Variants in RGS6 observed in about 807,000 individuals in gnomAD.
RGS6 encodes the protein regulator of G-protein signaling 6.
In RGS6, 30 loss-of-function variants were observed where a neutral mutation model predicts 78.5. The observed-to-expected ratio is 0.38, with a 90% CI of 0.29 to 0.52. The LOEUF is 0.52. Ranked by LOEUF, RGS6 falls within the 20% of genes least tolerant of loss-of-function variation. The pLI, the probability that RGS6 is intolerant of heterozygous loss-of-function variation, is 0.85. For synonymous variants in RGS6, 206 were observed against 206.0 expected (o/e 1.00, Z 0.00); for missense variants, 495 against 609.7 (o/e 0.81, Z 1.98).
chr14:72,357,325 G>A (rs1395816840), intron 3 of RGS6, among the ~76,000 whole-genome samples: 1 of 152,050 alleles, frequency 6.6e-6, no homozygotes, highest in Non-Finnish European at 1.5e-5. Flanking sequence ...GGCAGAGGAA[G>A]GAACAGTTTG....
At chr14:71,949,438 A>AT (rs749939711) in intron 1 of RGS6, among the ~76,000 whole-genome samples, 51 of 150,384 alleles carry the variant, frequency 3.4e-4, no homozygotes, top group East Asian at 7.8e-4. Context: ...TGCCTTTTTA[A>AT]TTTTTTTTTG....
rs144456247 is a variant in RGS6 at position 72,469,920 on chromosome 14, T to C, written c.460-87T>C. The C allele has an allele frequency of 1.3e-4, 129 of 963,500 alleles. 1 individual carries two copies. The African/African-American group carries it at 1.9e-3, about 14-fold the overall frequency. The allele number at this position is 963,500 out of a possible 1,614,324, so 59.7% of individuals were successfully genotyped here. On this transcript the variant is annotated intron_variant, in intron 7 of 17. Coordinates refer to ENST00000553525, the MANE Select transcript of RGS6 (RefSeq NM_001204424.2). ...GCTATTTTGTTGGAAGTAACCAAAA[T>C]TGATGGATGCCTTATAATAAGCATA... is the stretch of plus-strand genomic sequence containing the variant.
At chr14:72,521,532 T>C (rs2097041110) in intron 15 of RGS6, among the ~76,000 whole-genome samples, 1 of 152,234 alleles carries the variant, frequency 6.6e-6, no homozygotes, top group Non-Finnish European at 1.5e-5. Context: ...AAATACATTC[T>C]ATCTAATTTC....
At chr14:72,134,745 G>T (rs911314951) in intron 2 of RGS6, among the ~76,000 whole-genome samples, 5 of 152,202 alleles carry the variant, frequency 3.3e-5, no homozygotes, top group African/African-American at 1.2e-4. Context: ...GAGAACCAGG[G>T]GAGTTGATGG....
At chr14:72,387,820 G>A (rs1340933975) in intron 3 of RGS6, among the ~76,000 whole-genome samples, 1 of 152,092 alleles carries the variant, frequency 6.6e-6, no homozygotes, top group Non-Finnish European at 1.5e-5. Context: ...TCACAGTTCT[G>A]GAGGCTCAGA....
the RGS6 span, among the ~76,000 whole-genome samples, chr14:72,603,415 G>A: frequency 6.6e-6 from 1 of 152,226 alleles, no homozygotes; most frequent in East Asian, 1.9e-4. Flanking sequence ...CCAGGGCCAT[G>A]CCCCAGAGGG....
At chr14:71,979,252 T>C (rs1469816665) in intron 2 of RGS6, among the ~76,000 whole-genome samples, 4 of 149,820 alleles carry the variant, frequency 2.7e-5, no homozygotes, top group African/African-American at 9.8e-5. Context: ...GTTTTTTGTG[T>C]CTCTATTTCC....
the RGS6 span, among the ~76,000 whole-genome samples, chr14:71,888,505 T>A: frequency 6.6e-6 from 1 of 152,018 alleles, no homozygotes; most frequent in South Asian, 2.1e-4. Flanking sequence ...TGATTGAGGC[T>A]CATCCCACAG....
chr14:72,567,874 T>C (rs1325833208), downstream of RGS6, among the ~76,000 whole-genome samples: 1 of 152,234 alleles, frequency 6.6e-6, no homozygotes, highest in African/African-American at 2.4e-5. Flanking sequence ...GTCGTGGGAC[T>C]TCCGACACCT....
intron 2 of RGS6, among the ~76,000 whole-genome samples, chr14:72,049,939 C>CAT (rs1178090631): frequency 6.6e-6 from 1 of 152,028 alleles, no homozygotes; most frequent in Admixed American, 6.6e-5. Context: ...TAAATATATA[C>CAT]ATATATATAG....
intron 2 of RGS6, among the ~76,000 whole-genome samples, chr14:72,058,987 T>G (rs1269407063): frequency 6.6e-6 from 1 of 152,176 alleles, no homozygotes; most frequent in Non-Finnish European, 1.5e-5. Context: ...CACTGCAACC[T>G]CTACCTCCTG....
chr14:72,622,609 TA>T, the RGS6 span, among the ~76,000 whole-genome samples: 1 of 152,044 alleles, frequency 6.6e-6, no homozygotes, highest in South Asian at 2.1e-4. Flanking sequence ...TCTGAGAGTT[TA>T]AGTGCATTTT....
intron 3 of RGS6, among the ~76,000 whole-genome samples, chr14:72,400,625 G>C (rs6574072): frequency 0.3 from 45,333 of 152,164 alleles, 12,067 homozygotes; most frequent in African/African-American, 0.7. Context: ...ATTCTGTTCA[G>C]TAACCATAAG....
At chr14:72,028,093 G>T (rs1456952346) in intron 2 of RGS6, among the ~76,000 whole-genome samples, 4 of 152,248 alleles carry the variant, frequency 2.6e-5, no homozygotes, top group Non-Finnish European at 5.9e-5. Flanking sequence ...GCAGTTTTGT[G>T]TGGGCAGGTA....
Position 72,128,692 on chromosome 14 carries a change from GT to G in RGS6, c.84+163820del, listed in dbSNP as rs375580562. Among the ~76,000 whole-genome samples, 96 of 152,306 alleles carry G rather than the reference GT, an allele frequency of 6.3e-4. 1 individual carries two copies. The highest frequency in any genetic ancestry group is 2.3e-3 in the African/African-American group (94 of 41,572). ...AGCCAGCACAGTCATAGTGGATGAA[GT>G]TTATAGGTTATTGACGGACGGTAGG... On this transcript the variant is annotated intron_variant, in intron 2 of 17. Coordinates refer to ENST00000553525, the MANE Select transcript of RGS6 (RefSeq NM_001204424.2).
At chr14:72,369,485 A>G (rs1356057077) in intron 3 of RGS6, among the ~76,000 whole-genome samples, 3 of 152,246 alleles carry the variant, frequency 2.0e-5, no homozygotes, top group Admixed American at 1.3e-4. Context: ...TGCAGCAGCC[A>G]TAGAAAACTA....
intron 1 of RGS6, among the ~76,000 whole-genome samples, chr14:71,948,676 G>A (rs976921351): frequency 1.4e-5 from 2 of 146,026 alleles, no homozygotes; most frequent in African/African-American, 2.5e-5. Context: ...GGCCCTCCCA[G>A]TAAGTACATA....
chr14:72,524,749 C>A (rs1481681327), intron 15 of RGS6, among the ~76,000 whole-genome samples: 1 of 152,084 alleles, frequency 6.6e-6, no homozygotes, highest in African/African-American at 2.4e-5. Context: ...TGCCATCAGG[C>A]AGAGCTTATC....
intron 2 of RGS6, among the ~76,000 whole-genome samples, chr14:71,980,313 G>A (rs1388080500): frequency 1.5e-5 from 2 of 136,466 alleles, no homozygotes; most frequent in African/African-American, 5.6e-5. Flanking sequence ...TATGATGTTA[G>A]CTGGTGATTT....
Sources: gnomAD v4.1 joint callset for allele counts (sites outside exome capture counted in the v4.1 genomes callset) on GRCh38, gnomAD v4.1.1 for gene constraint, MANE v1.5 for transcripts, NCBI Gene and HGNC (gene_info 2026-07-23, HGNC 2026-07-21) for gene names.